The following STK36 variants were observed in gnomAD, a reference collection of about 807,000 sequenced individuals.
STK36 encodes the protein serine/threonine-protein kinase 36.
In STK36, 116 loss-of-function variants were observed where a neutral mutation model predicts 142.2. That is an observed-to-expected ratio of 0.82 (90% CI 0.70 to 0.95). STK36 has a LOEUF of 0.95. Ranked by LOEUF, STK36 falls within the 40% of genes least tolerant of loss-of-function variation. The probability of loss-of-function intolerance (pLI) is 0.00; values close to 1 mark genes in which losing one functional copy is unlikely to be tolerated. For missense variants in STK36, 1,422 were observed against 1,617.2 expected (o/e 0.88, Z 2.07); for synonymous variants, 619 against 641.7 (o/e 0.96, Z 0.53).
At chr2:218,690,089 G>T (rs528018878) in intron 13 of STK36, 133 bp downstream of exon 13, 14 of 834,832 alleles carry the variant, frequency 1.7e-5, no homozygotes, top group Non-Finnish European at 2.7e-5. Context: ...CAGCTGAGTG[G>T]CCACTCATAG....
rs1354652949 is a variant in STK36, at chr2:218,675,333, T to C, written c.304-10T>C. The C allele has an allele frequency of 5.0e-6, 8 of 1,602,070 alleles. No individual in the cohort carries two copies. The Admixed American group carries it at 5.2e-5, about 10-fold the overall frequency. On this transcript the variant is annotated splice_polypyrimidine_tract_variant and intron_variant, in intron 4 of 26. Transcript: ENST00000295709. The stretch of plus-strand genomic sequence containing the variant: ...CTTTTTTTTCTTTCTTCCACCTCTT[T>C]AATTTCTAGGTTCAGGCCATTGCTG...
In STK36 at chr2:218,698,019, A is replaced by G. The variant is rs928598958; in HGVS notation, c.3057+18A>G. The G allele has an allele frequency of 6.2e-7, 1 of 1,613,874 alleles. No homozygotes were observed. Among genetic ancestry groups the G allele is most frequent in the African/African-American group, 1.3e-5 (1 of 74,910 alleles). Reference sequence around the variant, plus strand: ...TGCTGCAGGTACTTGGGCAGCTAGCATGAAGGTGGGAGAGGAAGATAGCCA... The same window carrying G: ...TGCTGCAGGTACTTGGGCAGCTAGCGTGAAGGTGGGAGAGGAAGATAGCCA... On this transcript the variant is annotated intron_variant, in intron 25 of 26. Coordinates refer to ENST00000295709, the MANE Select transcript of STK36 (RefSeq NM_015690.5).
intron 2 of STK36, 53 bp from the exon 3 acceptor site, chr2:218,673,572 A>G (rs1940087996): frequency 3.9e-6 from 6 of 1,554,324 alleles, no homozygotes; most frequent in South Asian, 3.7e-5. Flanking sequence ...CTGAAATTCT[A>G]GATCTTTTCA....
At position 218,680,018 on chromosome 2, in the gene STK36, A is replaced by G. The variant is rs1422656382; in HGVS notation, c.1074A>G (p.Leu358=). ...PQESSLLAGI[L]ASELKSSWAK... ...AATCAAGCCTCCTGGCCGGGATCTT[A>G]GCCTCAGAATTGAAGAGCAGCTGGG... The change falls in exon 9 of 27, where the codon TTA becomes TTG. Residue 358 remains leucine (L), a synonymous_variant. Coordinates refer to ENST00000295709, the MANE Select transcript of STK36 (RefSeq NM_015690.5). The G allele has an allele frequency of 4.3e-6, 7 of 1,614,094 alleles. No homozygotes were observed. The highest frequency in any genetic ancestry group is 5.9e-6 in the Non-Finnish European group (7 of 1,180,040).
chr2:218,698,530 C>T, intron 25 of STK36, 72 bp from the exon 26 acceptor site: 2 of 1,538,892 alleles, frequency 1.3e-6, no homozygotes, highest in Non-Finnish European at 8.7e-7. Flanking sequence ...TTCTCTCTCC[C>T]AGGTTTTGGG....
At chr2:218,696,809 G>A in intron 22 of STK36, 1 of 900,222 alleles carries the variant, frequency 1.1e-6, no homozygotes, top group African/African-American at 1.6e-5. Context: ...TCCAGTGGGA[G>A]ATAAAATGAA....
chr2:218,686,544 T>C (rs1022196077), intron 11 of STK36, among the ~76,000 whole-genome samples: 2 of 152,192 alleles, frequency 1.3e-5, no homozygotes, highest in Non-Finnish European at 2.9e-5. Context: ...GCTAGGATTA[T>C]AGGTATGAGC....
chr2:218,683,207 T>C (rs1940612602), intron 10 of STK36, among the ~76,000 whole-genome samples: 2 of 151,774 alleles, frequency 1.3e-5, no homozygotes, highest in Admixed American at 1.3e-4. Context: ...ACTCATGGGG[T>C]AAGCAATTCT....
In STK36 at chr2:218,692,185, G is replaced by T. The variant is rs1280876310; in HGVS notation, c.1807G>T (p.Ala603Ser). 4 of 1,614,166 alleles carry T rather than the reference G, an allele frequency of 2.5e-6. No homozygotes were observed. Among genetic ancestry groups the T allele is most frequent in the East Asian group, 2.2e-5 (1 of 44,888 alleles). The change falls in exon 15 of 27, where the codon GCC (alanine) becomes TCC (serine). Residue 603 changes from alanine to serine, a missense_variant. By Grantham distance (99) the Ala-to-Ser change is moderately conservative. Coordinates refer to ENST00000295709, the MANE Select transcript of STK36 (RefSeq NM_015690.5). ...LCEAMDGNSR[A>S]ISKAFYSSLL... ...CGAAGCCATGGATGGGAACAGCCGG[G>T]CCATCTCCAAAGCCTTTTACTCCAG...
At chr2:218,679,834 C>T in intron 8 of STK36, 59 bp from the exon 9 acceptor site, 2 of 1,603,586 alleles carry the variant, frequency 1.2e-6, no homozygotes, top group Admixed American at 3.4e-5. Flanking sequence ...GAATAGCATT[C>T]ATATTGTCCT....
chr2:218,680,519 C>G, intron 9 of STK36, 84 bp from the exon 10 acceptor site: 1 of 1,124,922 alleles, frequency 8.9e-7, no homozygotes. Context: ...CATTCTTATC[C>G]TGGGTCTACA....
chr2:218,685,278 T>C, intron 11 of STK36, 50 bp downstream of exon 11: 1 of 1,605,862 alleles, frequency 6.2e-7, no homozygotes, highest in Non-Finnish European at 8.5e-7. Flanking sequence ...TTTTCACAGA[T>C]GGAGCATTGA....
At chr2:218,696,108 C>T (rs1387639985) in intron 21 of STK36, among the ~76,000 whole-genome samples, 1 of 152,002 alleles carries the variant, frequency 6.6e-6, no homozygotes, top group African/African-American at 2.4e-5. Context: ...CTGATCCCCC[C>T]GCCTCAGCCT....
At chr2:218,680,435 A>G (rs916812598) in intron 9 of STK36, among the ~76,000 whole-genome samples, 168 bp from the exon 10 acceptor site, 1 of 152,198 alleles carries the variant, frequency 6.6e-6, no homozygotes, top group Non-Finnish European at 1.5e-5. Context: ...GTAGTCGTCA[A>G]CATATCCTGT....
rs1013337634 is a variant in STK36, at chr2:218,680,147, C to A, written c.1136+67C>A. 1.4e-5 allele frequency: 21 copies of A among 1,492,238 alleles called. No homozygotes were observed. In the Admixed American group the frequency reaches 2.9e-4, roughly 20 times the overall value. 92.4% of individuals were successfully genotyped at this position (1,492,238 alleles called of 1,614,324 possible). A position where few individuals can be genotyped will look rare whatever the true frequency, so the allele number is the denominator to read the frequency against. The stretch of plus-strand genomic sequence containing the variant: ...TGCACATCTTTAACTCTAGCCAAAG[C>A]AAATACAGAATGGTCCCTGTCACTA... On this transcript the variant is annotated intron_variant, in intron 9 of 26. Coordinates refer to ENST00000295709, the MANE Select transcript of STK36 (RefSeq NM_015690.5).
chr2:218,685,026 G>A, intron 10 of STK36, 59 bp from the exon 11 acceptor site: 1 of 1,601,130 alleles, frequency 6.2e-7, no homozygotes, highest in Non-Finnish European at 8.5e-7. Flanking sequence ...TACTGGTTGG[G>A]ATCTACTACC....
At chr2:218,679,760 G>C (rs1172988629) in intron 8 of STK36, 31 bp downstream of exon 8, 5 of 1,613,562 alleles carry the variant, frequency 3.1e-6, no homozygotes, top group Non-Finnish European at 4.2e-6. Context: ...TATGTGAAAT[G>C]ACCAGGCTAG....
intron 4 of STK36, among the ~76,000 whole-genome samples, chr2:218,675,068 A>T (rs865930146): frequency 1.3e-5 from 2 of 152,156 alleles, no homozygotes; most frequent in African/African-American, 4.8e-5. Context: ...ATAATCCTCC[A>T]TGTAGATGGT....
At chr2:218,685,040 G>C in intron 10 of STK36, 45 bp from the exon 11 acceptor site, 1 of 1,611,642 alleles carries the variant, frequency 6.2e-7, no homozygotes, top group East Asian at 2.2e-5. Context: ...TACTACCTTA[G>C]ACTTACACAC....
Sources: allele counts gnomAD v4.1 joint callset (sites outside exome capture counted in the v4.1 genomes callset), GRCh38; gene constraint gnomAD v4.1.1; transcripts MANE v1.5; gene names NCBI Gene and HGNC (gene_info 2026-07-23, HGNC 2026-07-21).